CMC2: variants seen among roughly 807,000 people sequenced by gnomAD.
CMC2 encodes COX assembly mitochondrial protein 2 homolog.
CMC2 carries 5 observed loss-of-function variants against 7.5 expected under a neutral mutation model. The observed-to-expected ratio is 0.66, with a 90% CI of 0.35 to 1.40. The LOEUF (loss-of-function observed/expected upper bound fraction) is 1.40. Ranked by LOEUF, CMC2 falls within the 40% of genes most tolerant of loss-of-function variation. The pLI is 0.04. For missense variants in CMC2, 115 were observed against 92.3 expected (o/e 1.25, Z -1.01); for synonymous variants, 37 against 31.4 (o/e 1.18, Z -0.60).
At chr16:80,980,949 C>A in intron 3 of CMC2, 1 of 597,522 alleles carries the variant, frequency 1.7e-6, no homozygotes, top group Admixed American at 2.6e-5. Flanking sequence ...AAAAGTTCTT[C>A]AAACAGTAAA....
chr16:80,994,740 G>A (rs146827991), intron 2 of CMC2, among the ~76,000 whole-genome samples: 2 of 152,292 alleles, frequency 1.3e-5, no homozygotes, highest in East Asian at 3.9e-4. Flanking sequence ...AGTATAAAAT[G>A]GAAAACAGTT....
intron 2 of CMC2, chr16:80,988,672 C>G: frequency 1.5e-6 from 1 of 684,996 alleles, no homozygotes; most frequent in South Asian, 1.6e-5. Context: ...ACACTAGTAT[C>G]TAATTTATAG....
At chr16:80,987,202 C>G (rs144517613) in intron 2 of CMC2, among the ~76,000 whole-genome samples, 1 of 152,100 alleles carries the variant, frequency 6.6e-6, no homozygotes, top group East Asian at 1.9e-4. Context: ...GACGCTAACA[C>G]AAGATACCAG....
At chr16:80,976,378 G>A (rs1912351189) in intron 3 of CMC2, among the ~76,000 whole-genome samples, 199 bp from the exon 4 acceptor site, 1 of 152,188 alleles carries the variant, frequency 6.6e-6, no homozygotes. Flanking sequence ...TTACCTTAGA[G>A]AGTATCTCAT....
rs1555512300 is a variant in CMC2 at position 80,971,564 on chromosome 16, T to TAAA, written c.*4528_*4529insTTT. 8.2e-6 allele frequency: 1 copy of TAAA among 121,244 alleles called. No individual in the cohort carries two copies. Among genetic ancestry groups the TAAA allele is most frequent in the African/African-American group, 3.9e-5 (1 of 25,706 alleles). 7.5% of individuals were successfully genotyped at this position (121,244 alleles called of 1,614,324 possible). A position where few individuals can be genotyped will look rare whatever the true frequency, so the allele number is the denominator to read the frequency against. On this transcript the variant is annotated 3_prime_UTR_variant, in exon 4 of 4. Coordinates refer to ENST00000219400, the MANE Select transcript of CMC2 (RefSeq NM_020188.5). ...CTATGGATACTGACATACATACATT[T>TAAA]TATATATATATATATATATATGTAT...
intron 1 of CMC2, among the ~76,000 whole-genome samples, chr16:81,000,480 A>C (rs1968784090): frequency 6.6e-6 from 1 of 152,220 alleles, no homozygotes; most frequent in East Asian, 1.9e-4. Flanking sequence ...TAGGTAACAG[A>C]GTGAGACTCC....
chr16:80,984,161 C>T (rs1042356688), intron 2 of CMC2: 1 of 152,124 alleles, frequency 6.6e-6, no homozygotes, highest in Non-Finnish European at 1.5e-5. Context: ...AGTATGCGTG[C>T]TCTAAAGCAG....
At chr16:80,978,301 ACT>A in intron 3 of CMC2, 1 of 1,227,576 alleles carries the variant, frequency 8.1e-7, no homozygotes, top group Admixed American at 3.0e-5. Flanking sequence ...CTTAAGGGAA[ACT>A]CTTCAGAAGA....
chr16:80,978,798 G>A (rs577877189), intron 3 of CMC2, among the ~76,000 whole-genome samples: 1 of 152,142 alleles, frequency 6.6e-6, no homozygotes, highest in South Asian at 2.1e-4. Flanking sequence ...AAGCTTCATG[G>A]AGGCTGGGCG....
At chr16:80,988,663 C>T (rs1245225978) in intron 2 of CMC2, 3 of 692,138 alleles carry the variant, frequency 4.3e-6, no homozygotes, top group African/African-American at 3.5e-5. Context: ...TTAACATTAA[C>T]ACTAGTATCT....
At position 80,991,296 on chromosome 16, in the gene CMC2, T is replaced by G. The variant is rs368302089; in HGVS notation, c.81+6018A>C. 2.0e-5 allele frequency among the ~76,000 whole-genome samples: 3 copies of G among 152,172 alleles called. No individual in the cohort carries two copies. The East Asian group carries it at 5.8e-4, about 29-fold the overall frequency. ...TACGTGTAGGCTGCACACAGTGACT[T>G]CCTTCCAAAGAGTTATGAAAAGGGA... On this transcript the variant is annotated intron_variant, in intron 2 of 3. Coordinates refer to ENST00000219400, the MANE Select transcript of CMC2 (RefSeq NM_020188.5).
chr16:80,975,818 A>G lies in CMC2; in HGVS notation c.*275T>C, dbSNP rs752735128. ...AGAAAAAAATTATTTAAATTATTTT[A>G]TTGAAGGAGATAAGTTACTCAGATA... On this transcript the variant is annotated 3_prime_UTR_variant, in exon 4 of 4. Transcript: ENST00000219400. The G allele has an allele frequency of 8.2e-6, 2 of 243,172 alleles. No individual in the cohort carries two copies. The highest frequency in any genetic ancestry group is 1.6e-5 in the Non-Finnish European group (2 of 128,452). The allele number at this position is 243,172 out of a possible 1,614,324, so 15.1% of individuals were successfully genotyped here.
intron 2 of CMC2, chr16:80,988,713 T>C: frequency 1.7e-6 from 1 of 575,104 alleles, no homozygotes; most frequent in Non-Finnish European, 3.1e-6. Context: ...ATTTGCCTAA[T>C]AATATCATTC....
At chr16:81,005,115 A>G (rs1009675497) in intron 1 of CMC2, among the ~76,000 whole-genome samples, 5 of 152,252 alleles carry the variant, frequency 3.3e-5, no homozygotes, top group East Asian at 1.9e-4. Context: ...AAAAAACTGT[A>G]AACACTCCGC....
At chr16:80,997,839 T>G (rs1968547567) in intron 1 of CMC2, 1 of 153,824 alleles carries the variant, frequency 6.5e-6, no homozygotes, top group South Asian at 2.0e-4. Flanking sequence ...TGTATATTAT[T>G]CTGAGGGTTA....
At chr16:80,992,406 A>G (rs754186068) in intron 2 of CMC2, among the ~76,000 whole-genome samples, 1 of 152,204 alleles carries the variant, frequency 6.6e-6, no homozygotes, top group Non-Finnish European at 1.5e-5. Flanking sequence ...AAAAGCAAAT[A>G]TACGGCAGTT....
chr16:80,980,047 T>G (rs1282386761), intron 3 of CMC2, among the ~76,000 whole-genome samples: 1 of 152,172 alleles, frequency 6.6e-6, no homozygotes, highest in Non-Finnish European at 1.5e-5. Flanking sequence ...GCCTCCCAAG[T>G]AGCTGGGACC....
In CMC2 at chr16:80,974,376, A is replaced by G. The variant is rs1912130422; in HGVS notation, c.*1717T>C. The G allele has an allele frequency of 6.6e-6, 1 of 152,166 alleles. No homozygotes were observed. The highest frequency in any genetic ancestry group is 6.6e-5 in the Admixed American group (1 of 15,266). 9.4% of individuals were successfully genotyped at this position (152,166 alleles called of 1,614,324 possible). On this transcript the variant is annotated 3_prime_UTR_variant, in exon 4 of 4. Transcript: ENST00000219400. ...AACTTACTAAAATACAAATTGAAATATATCAGCCTTCCAACTAACTCCTCT... is the reference window on the plus strand; with the variant it reads ...AACTTACTAAAATACAAATTGAAATGTATCAGCCTTCCAACTAACTCCTCT...
chr16:80,969,080 G>C lies in CMC2; in HGVS notation c.*7013C>G, dbSNP rs1911744581. 1 of 152,246 alleles carries C rather than the reference G, an allele frequency of 6.6e-6. No homozygotes were observed. Among genetic ancestry groups the C allele is most frequent in the Non-Finnish European group, 1.5e-5 (1 of 68,046 alleles). The allele number at this position is 152,246 out of a possible 1,614,324, so 9.4% of individuals were successfully genotyped here. A position where few individuals can be genotyped will look rare whatever the true frequency, so the allele number is the denominator to read the frequency against. On this transcript the variant is annotated 3_prime_UTR_variant, in exon 4 of 4. Coordinates refer to ENST00000219400, the MANE Select transcript of CMC2 (RefSeq NM_020188.5). Reference sequence around the variant, plus strand: ...TATGTTTCCCATTGGTAAGTTAAGTGTGTGTGTCAGAAAGTTACTGGTGGG... The same window carrying C: ...TATGTTTCCCATTGGTAAGTTAAGTCTGTGTGTCAGAAAGTTACTGGTGGG...
Sources: allele counts gnomAD v4.1 joint callset (sites outside exome capture counted in the v4.1 genomes callset), GRCh38; gene constraint gnomAD v4.1.1; transcripts MANE v1.5; gene names NCBI Gene and HGNC (gene_info 2026-07-23, HGNC 2026-07-21).